The following ABI2 variants were observed in gnomAD, a reference collection of about 807,000 sequenced individuals.
The protein encoded by ABI2 is abelson interactor 2.
In ABI2, 25 loss-of-function variants were observed where a neutral mutation model predicts 59.2. The ratio of observed to expected loss-of-function variants is 0.42; its 90% CI spans 0.31 to 0.59. The LOEUF (loss-of-function observed/expected upper bound fraction) is 0.59. Ranked by LOEUF, ABI2 falls within the 20% of genes least tolerant of loss-of-function variation. ABI2 has a pLI of 0.14. For missense variants in ABI2, 545 were observed against 681.8 expected (o/e 0.80, Z 2.23); for synonymous variants, 213 against 235.5 (o/e 0.90, Z 0.87).
intron 1 of ABI2, among the ~76,000 whole-genome samples, chr2:203,337,737 T>G (rs1364483801): frequency 6.6e-6 from 1 of 152,152 alleles, no homozygotes; most frequent in Non-Finnish European, 1.5e-5. Flanking sequence ...CAAACTATAT[T>G]ACAAAGCTAT....
intron 1 of ABI2, among the ~76,000 whole-genome samples, chr2:203,343,974 A>G (rs2081602756): frequency 6.6e-6 from 1 of 152,042 alleles, no homozygotes; most frequent in Non-Finnish European, 1.5e-5. Flanking sequence ...TCTCTACAAA[A>G]ATTACAGAAA....
chr2:203,409,752 G>C lies in ABI2; in HGVS notation c.1193-1533G>C, dbSNP rs373880521. Among the ~76,000 whole-genome samples, 24 of 152,056 alleles carry C rather than the reference G, an allele frequency of 1.6e-4. No homozygotes were observed. In the South Asian group the frequency reaches 5.0e-3, roughly 32 times the overall value. ...CATCCATTGTCTTTTTTTAATCTTT[G>C]CAGCCACTATTGGAAGTAGGTTGCA... On this transcript the variant is annotated intron_variant, in intron 9 of 11. Coordinates refer to ENST00000261018, the MANE Select transcript of ABI2 (RefSeq NM_001375670.1).
At chr2:203,333,440 T>C (rs1053682754) in intron 1 of ABI2, among the ~76,000 whole-genome samples, 6 of 152,140 alleles carry the variant, frequency 3.9e-5, no homozygotes, top group Non-Finnish European at 5.9e-5. Flanking sequence ...TTGGTTATAT[T>C]TATAGGTCGA....
intron 1 of ABI2, among the ~76,000 whole-genome samples, chr2:203,341,751 TGATA>T (rs2080071737): frequency 6.6e-6 from 1 of 152,140 alleles, no homozygotes; most frequent in African/African-American, 2.4e-5. Flanking sequence ...TTTGAAGAGT[TGATA>T]GATTTATGCT....
rs1161494478 is a variant in ABI2, at chr2:203,430,532, G to C, written c.*3180G>C. 1.3e-5 allele frequency: 2 copies of C among 152,154 alleles called. No homozygotes were observed. Among genetic ancestry groups the C allele is most frequent in the Non-Finnish European group, 2.9e-5 (2 of 68,026 alleles). The allele number at this position is 152,154 out of a possible 1,614,324, so 9.4% of individuals were successfully genotyped here. A position where few individuals can be genotyped will look rare whatever the true frequency, so the allele number is the denominator to read the frequency against. ...AGGCAATAAATCAGAAACAAAAATA[G>C]TGCCAATGTGTCAAAATCGACATCT... On this transcript the variant is annotated 3_prime_UTR_variant, in exon 12 of 12. Transcript: ENST00000261018.
At position 203,430,700 on chromosome 2, in the gene ABI2, G is replaced by C. The variant is rs1336657362; in HGVS notation, c.*3348G>C. 1 of 152,074 alleles carries C rather than the reference G, an allele frequency of 6.6e-6. No homozygotes were observed. The highest frequency in any genetic ancestry group is 1.5e-5 in the Non-Finnish European group (1 of 68,012). The allele number at this position is 152,074 out of a possible 1,614,324, so 9.4% of individuals were successfully genotyped here. A position where few individuals can be genotyped will look rare whatever the true frequency, so the allele number is the denominator to read the frequency against. On this transcript the variant is annotated 3_prime_UTR_variant, in exon 12 of 12. Transcript: ENST00000261018. ...GAGTTGACAGTGGCCTGCTAATTTT[G>C]CTATGTTCCTAAAAGTTACTGGGTG...
intron 4 of ABI2, among the ~76,000 whole-genome samples, chr2:203,384,828 TTTTTTTTC>T (rs1009147609): frequency 2.6e-5 from 4 of 152,038 alleles, no homozygotes; most frequent in Non-Finnish European, 4.4e-5. Flanking sequence ...AGATTCTTTT[TTTTTTTTC>T]TTTTTTTCTT....
intron 1 of ABI2, among the ~76,000 whole-genome samples, chr2:203,329,853 C>T (rs944805987): frequency 2.0e-5 from 3 of 151,980 alleles, no homozygotes; most frequent in African/African-American, 7.3e-5. Context: ...TCTCATGCTT[C>T]AGCTTCCCGA....
At position 203,395,693 on chromosome 2, in the gene ABI2, C is replaced by T. The variant is rs778466632; in HGVS notation, c.763C>T (p.Arg255Trp). The change falls in exon 7 of 12, where the codon CGG becomes TGG. Residue 255 changes from arginine to tryptophan, a missense_variant. Transcript: ENST00000261018. ...TAGTGGAGGGAGCCACCCAAGTAGTCGGAGCAGCAGTCGAGAGAACAGTGG... is the reference window on the plus strand; with the variant it reads ...TAGTGGAGGGAGCCACCCAAGTAGTTGGAGCAGCAGTCGAGAGAACAGTGG... ...GSSGGSHPSS[R>W]SSSRENSGSG... 22 of 1,611,902 alleles carry T rather than the reference C, an allele frequency of 1.4e-5. No individual in the cohort carries two copies. Among genetic ancestry groups the T allele is most frequent in the Non-Finnish European group, 1.6e-5 (19 of 1,179,160 alleles).
chr2:203,400,079 CTTTTTTTTT>C (rs10581610), intron 8 of ABI2, among the ~76,000 whole-genome samples: 4 of 59,548 alleles, frequency 6.7e-5, no homozygotes, highest in East Asian at 1.1e-3. Flanking sequence ...TGAATAGTGT[CTTTTTTTTT>C]TTTTTTTTTT....
intron 1 of ABI2, among the ~76,000 whole-genome samples, chr2:203,352,883 A>G (rs1471551597): frequency 6.6e-6 from 1 of 152,184 alleles, no homozygotes; most frequent in Non-Finnish European, 1.5e-5. Context: ...CTGTGTTGTT[A>G]CTGTACCTTC....
chr2:203,357,159 A>G (rs1044644420), intron 1 of ABI2, among the ~76,000 whole-genome samples: 1 of 152,194 alleles, frequency 6.6e-6, no homozygotes, highest in Non-Finnish European at 1.5e-5. Flanking sequence ...GTAAGCATAT[A>G]TAGTCCAGTC....
intron 1 of ABI2, among the ~76,000 whole-genome samples, chr2:203,329,986 C>T (rs1644568557): frequency 2.0e-5 from 3 of 152,148 alleles, no homozygotes. Context: ...ATCCACCCAC[C>T]TCGGCCTCCC....
intron 9 of ABI2, among the ~76,000 whole-genome samples, chr2:203,404,185 C>T (rs1036255401): frequency 1.3e-5 from 2 of 152,250 alleles, no homozygotes; most frequent in East Asian, 3.9e-4. Context: ...AGCCTGAGAC[C>T]TTGTCAGTCT....
At chr2:203,346,754 TAGG>T (rs2083857408) in intron 1 of ABI2, among the ~76,000 whole-genome samples, 2 of 152,152 alleles carry the variant, frequency 1.3e-5, no homozygotes, top group South Asian at 2.1e-4. Flanking sequence ...TTGAGAGAAA[TAGG>T]AGAAAGAGCA....
chr2:203,345,252 G>T (rs2082596417), intron 1 of ABI2, among the ~76,000 whole-genome samples: 1 of 152,156 alleles, frequency 6.6e-6, no homozygotes, highest in African/African-American at 2.4e-5. Context: ...GCCATTTTGA[G>T]AGCTGTAACG....
At chr2:203,380,522 C>A in intron 3 of ABI2, 138 bp downstream of exon 3, 2 of 481,348 alleles carry the variant, frequency 4.2e-6, no homozygotes, top group Non-Finnish European at 7.0e-6. Flanking sequence ...AGATTCCTTG[C>A]TACTATAACT....
chr2:203,406,068 A>G (rs1317626221), intron 9 of ABI2, among the ~76,000 whole-genome samples: 3 of 152,220 alleles, frequency 2.0e-5, no homozygotes, highest in Non-Finnish European at 4.4e-5. Flanking sequence ...TAATCCAGCC[A>G]ATGAAATAGG....
intron 9 of ABI2, among the ~76,000 whole-genome samples, chr2:203,408,530 A>C (rs1262437901): frequency 1.3e-5 from 2 of 151,820 alleles, no homozygotes; most frequent in Non-Finnish European, 2.9e-5. Context: ...AGAAATAAGC[A>C]TATTCATCTT....
Sources: gnomAD v4.1 joint callset for allele counts (sites outside exome capture counted in the v4.1 genomes callset) on GRCh38, gnomAD v4.1.1 for gene constraint, MANE v1.5 for transcripts, NCBI Gene and HGNC (gene_info 2026-07-23, HGNC 2026-07-21) for gene names.